The following OTUD7B variants were observed in gnomAD, a reference collection of about 807,000 sequenced individuals.
The protein encoded by OTUD7B is OTU deubiquitinase 7B.
Under a neutral mutation model 82.2 loss-of-function variants are expected in OTUD7B, and 34 were observed. The ratio of observed to expected loss-of-function variants is 0.41; its 90% CI spans 0.31 to 0.55. OTUD7B has a LOEUF of 0.55. Among genes scored for constraint, OTUD7B ranks in the 20% least tolerant of loss-of-function variants. The pLI is 0.20. For missense variants in OTUD7B, 944 were observed against 1,062.1 expected (o/e 0.89, Z 1.55); for synonymous variants, 398 against 402.7 (o/e 0.99, Z 0.14).
chr1:150,044,686 G>GATA, the OTUD7B span, among the ~76,000 whole-genome samples: 2 of 145,360 alleles, frequency 1.4e-5, no homozygotes, highest in East Asian at 3.9e-4. Context: ...TAATAATAAT[G>GATA]ATAATAATAA....
the OTUD7B span, among the ~76,000 whole-genome samples, chr1:150,050,786 CCT>C: frequency 6.6e-6 from 1 of 152,086 alleles, no homozygotes; most frequent in East Asian, 1.9e-4. Context: ...TCAAGGGCGC[CCT>C]CTGTCTGAGT....
Position 149,949,019 on chromosome 1 carries a change from T to C in OTUD7B, c.1188A>G (p.Gly396=). The C allele has an allele frequency of 6.2e-7, 1 of 1,614,116 alleles. No homozygotes were observed. The highest frequency in any genetic ancestry group is 8.5e-7 in the Non-Finnish European group (1 of 1,179,958). The stretch of plus-strand genomic sequence containing the variant: ...CATCTTTGCCCCACTCCCAGCCCTT[T>C]CCAGGGTCCACAGCAAAGTGCAAGG... ...LLPLHFAVDP[G]KGWEWGKDDS... Residue 396 remains glycine (G), a synonymous_variant, in exon 10 of 12, where the codon GGA becomes GGG. Coordinates refer to ENST00000581312, the MANE Select transcript of OTUD7B (RefSeq NM_020205.4).
chr1:150,015,533 G>A (rs142802422), upstream of OTUD7B, among the ~76,000 whole-genome samples: 522 of 151,940 alleles, frequency 3.4e-3, 3 homozygotes, highest in African/African-American at 0.012. Context: ...CACCCTCCTC[G>A]GCATCCCAAA....
At chr1:149,967,187 G>C in intron 4 of OTUD7B, 107 bp downstream of exon 4, 1 of 703,612 alleles carries the variant, frequency 1.4e-6, no homozygotes, top group Non-Finnish European at 2.4e-6. Flanking sequence ...TTTGCAATCA[G>C]ATAACACACT....
the OTUD7B span, among the ~76,000 whole-genome samples, chr1:150,056,523 A>G: frequency 6.6e-6 from 1 of 152,172 alleles, no homozygotes; most frequent in Non-Finnish European, 1.5e-5. Flanking sequence ...TATTATCTCA[A>G]TTCTCACATC....
At chr1:150,015,046 A>G (rs1553788195), upstream of OTUD7B, among the ~76,000 whole-genome samples, 1 of 152,190 alleles carries the variant, frequency 6.6e-6, no homozygotes, top group Middle Eastern at 3.2e-3. Flanking sequence ...TAAGTTTACC[A>G]TTTTGTGTAT....
At chr1:150,005,080 C>T (rs1452235631) in intron 1 of OTUD7B, among the ~76,000 whole-genome samples, 3 of 152,126 alleles carry the variant, frequency 2.0e-5, no homozygotes, top group African/African-American at 7.2e-5. Flanking sequence ...GACATAACTA[C>T]CTGAGTACTC....
intron 1 of OTUD7B, among the ~76,000 whole-genome samples, chr1:149,992,467 GTTTTTTTTTTTTT>G (rs1166098299): frequency 9.7e-5 from 6 of 61,560 alleles, no homozygotes; most frequent in Non-Finnish European, 1.4e-4. Flanking sequence ...GTGTGCATGT[GTTTTTTTTTTTTT>G]TTTTTTTTTT....
intron 1 of OTUD7B, among the ~76,000 whole-genome samples, chr1:149,995,785 C>T (rs59934949): frequency 0.021 from 3,189 of 152,190 alleles, 91 homozygotes; most frequent in African/African-American, 0.07. Flanking sequence ...AAAGACCACA[C>T]ATCCCAGGTA....
chr1:150,014,023 T>C (rs1245734580), upstream of OTUD7B, among the ~76,000 whole-genome samples: 12 of 128,098 alleles, frequency 9.4e-5, no homozygotes, highest in Non-Finnish European at 2.0e-4. Flanking sequence ...CACACATATA[T>C]ACGTATATAT....
At chr1:150,034,871 G>A in the OTUD7B span, among the ~76,000 whole-genome samples, 4 of 151,896 alleles carry the variant, frequency 2.6e-5, no homozygotes, top group Admixed American at 2.0e-4. Flanking sequence ...AGCCAGGCAC[G>A]GTGGCTCACA....
the OTUD7B span, among the ~76,000 whole-genome samples, chr1:150,039,652 G>A: frequency 1.3e-5 from 2 of 152,204 alleles, no homozygotes; most frequent in Non-Finnish European, 2.9e-5. Flanking sequence ...TGGGATTACA[G>A]GCATGAGCCA....
At chr1:149,977,404 A>C (rs1553778803) in intron 2 of OTUD7B, 22 bp downstream of exon 2, 1 of 1,541,142 alleles carries the variant, frequency 6.5e-7, no homozygotes, top group South Asian at 1.1e-5. Flanking sequence ...CTCTTTTCTC[A>C]TTCTCCCCTA....
chr1:150,030,290 C>T, the OTUD7B span, among the ~76,000 whole-genome samples: 4 of 152,084 alleles, frequency 2.6e-5, no homozygotes, highest in Non-Finnish European at 5.9e-5. Flanking sequence ...CCTTACCCTC[C>T]AGGCCCTACA....
chr1:150,044,710 TA>T, the OTUD7B span, among the ~76,000 whole-genome samples: 2 of 149,896 alleles, frequency 1.3e-5, no homozygotes, highest in African/African-American at 5.0e-5. Context: ...TAAATAAAAA[TA>T]AAGTTCAAGG....
intron 1 of OTUD7B, among the ~76,000 whole-genome samples, chr1:150,007,809 G>C (rs1652762977): frequency 6.6e-6 from 1 of 152,156 alleles, no homozygotes; most frequent in Admixed American, 6.5e-5. Context: ...GAATTTATCA[G>C]AGGCTACAAA....
At chr1:150,047,948 A>G in the OTUD7B span, 2 of 5,182 alleles carry the variant, frequency 3.9e-4, no homozygotes, top group African/African-American at 1.9e-3. Context: ...GAGCGAGACT[A>G]CGTTTAAAAA....
chr1:149,970,954 A>G, intron 3 of OTUD7B, 109 bp downstream of exon 3: 2 of 1,044,486 alleles, frequency 1.9e-6, no homozygotes, highest in African/African-American at 1.6e-5. Flanking sequence ...GGCTGGGAGA[A>G]GGGGAAGAAA....
At chr1:149,973,432 C>A (rs1553777973) in intron 2 of OTUD7B, among the ~76,000 whole-genome samples, 1 of 152,112 alleles carries the variant, frequency 6.6e-6, no homozygotes, top group Non-Finnish European at 1.5e-5. Flanking sequence ...TCATACAAAA[C>A]AAAACAAAAA....
Sources: gnomAD v4.1 joint callset for allele counts (sites outside exome capture counted in the v4.1 genomes callset) on GRCh38, gnomAD v4.1.1 for gene constraint, MANE v1.5 for transcripts, NCBI Gene and HGNC (gene_info 2026-07-23, HGNC 2026-07-21) for gene names.